TAFA1: variants seen among roughly 807,000 people sequenced by gnomAD.
TAFA1 encodes chemokine-like protein TAFA-1.
TAFA1 carries 4 observed loss-of-function variants against 18.5 expected under a neutral mutation model. The ratio of observed to expected loss-of-function variants is 0.22; its 90% CI spans 0.11 to 0.49. The LOEUF (loss-of-function observed/expected upper bound fraction) is 0.49, where lower values mean the gene tolerates loss of function less well. Among genes scored for constraint, TAFA1 ranks in the 20% least tolerant of loss-of-function variants. The pLI is 0.98. For synonymous variants in TAFA1, 56 were observed against 55.2 expected (o/e 1.01, Z -0.06); for missense variants, 147 against 169.0 (o/e 0.87, Z 0.72).
chr3:68,463,910 G>T (rs1158006037), intron 3 of TAFA1, among the ~76,000 whole-genome samples: 1 of 152,076 alleles, frequency 6.6e-6, no homozygotes, highest in Non-Finnish European at 1.5e-5. Context: ...TTTTAAGTCA[G>T]ATTTAGACAA....
At chr3:68,014,554 A>G (rs1290472840) in intron 2 of TAFA1, among the ~76,000 whole-genome samples, 1 of 152,140 alleles carries the variant, frequency 6.6e-6, no homozygotes, top group Non-Finnish European at 1.5e-5. Flanking sequence ...GAATTCAACA[A>G]TTTTCATGTT....
intron 3 of TAFA1, among the ~76,000 whole-genome samples, chr3:68,519,781 A>G (rs909226089): frequency 2.0e-5 from 3 of 152,122 alleles, no homozygotes; most frequent in African/African-American, 4.8e-5. Context: ...CACTAATTCC[A>G]TCCATGAGGG....
intron 2 of TAFA1, among the ~76,000 whole-genome samples, chr3:68,186,693 A>G (rs1319236939): frequency 6.6e-6 from 1 of 152,024 alleles, no homozygotes. Context: ...CCAGGGACCC[A>G]ACCTGCCTGG....
intron 2 of TAFA1, among the ~76,000 whole-genome samples, chr3:68,075,889 G>T (rs184988344): frequency 6.6e-6 from 1 of 152,038 alleles, no homozygotes; most frequent in Admixed American, 6.6e-5. Flanking sequence ...CAGAGATGGG[G>T]TTTCACCATG....
chr3:68,370,343 T>TATATATACACACACACACACAC (rs2069662838), intron 2 of TAFA1, among the ~76,000 whole-genome samples: 7 of 58,842 alleles, frequency 1.2e-4, no homozygotes, highest in African/African-American at 4.2e-4. Context: ...TATATATATA[T>TATATATACACACACACACACAC]ATATATATAT....
intron 2 of TAFA1, among the ~76,000 whole-genome samples, chr3:68,273,469 T>C (rs1211083231): frequency 6.6e-6 from 1 of 152,192 alleles, no homozygotes; most frequent in Non-Finnish European, 1.5e-5. Context: ...CCCATATGCT[T>C]TAGGTAAATT....
chr3:68,539,696 GTGGGTGGGTGTGTGCATGTGTGT>G (rs2073340774), intron 4 of TAFA1, among the ~76,000 whole-genome samples: 1 of 78,514 alleles, frequency 1.3e-5, no homozygotes, highest in African/African-American at 5.0e-5. Context: ...CATGGGGTGG[GTGGGTGGGTGTGTGCATGTGTGT>G]GGTGGGGGGA....
intron 2 of TAFA1, among the ~76,000 whole-genome samples, chr3:68,366,761 G>A (rs749783740): frequency 3.3e-5 from 5 of 152,128 alleles, no homozygotes; most frequent in Non-Finnish European, 5.9e-5. Context: ...GGTTTTGTGG[G>A]TTTTAAATGA....
chr3:68,376,768 C>G (rs573882758), intron 2 of TAFA1, among the ~76,000 whole-genome samples: 3 of 152,088 alleles, frequency 2.0e-5, no homozygotes, highest in African/African-American at 7.2e-5. Context: ...TGGGTATATA[C>G]CCAGTGATAT....
chr3:68,323,120 A>G (rs145843763), intron 2 of TAFA1, among the ~76,000 whole-genome samples: 1 of 152,300 alleles, frequency 6.6e-6, no homozygotes, highest in Non-Finnish European at 1.5e-5. Flanking sequence ...ATAAAATGCT[A>G]ATGTGATTTT....
intron 2 of TAFA1, among the ~76,000 whole-genome samples, chr3:68,154,962 A>G (rs546678513): frequency 6.6e-6 from 1 of 152,364 alleles, no homozygotes; most frequent in South Asian, 2.1e-4. Flanking sequence ...GCCATAAATA[A>G]AAGTTGAGAT....
chr3:68,414,285 CA>C, intron 2 of TAFA1, among the ~76,000 whole-genome samples: 1 of 152,164 alleles, frequency 6.6e-6, no homozygotes, highest in Middle Eastern at 3.4e-3. Flanking sequence ...CCAGCCTAGG[CA>C]ACAGGAGCGA....
At chr3:68,146,385 A>G (rs572399051) in intron 2 of TAFA1, among the ~76,000 whole-genome samples, 1 of 152,062 alleles carries the variant, frequency 6.6e-6, no homozygotes, top group East Asian at 1.9e-4. Flanking sequence ...GGTGCCTTTG[A>G]CTCTTGATAA....
intron 2 of TAFA1, among the ~76,000 whole-genome samples, chr3:68,050,559 C>T (rs1268952741): frequency 2.0e-5 from 3 of 152,106 alleles, no homozygotes; most frequent in African/African-American, 7.2e-5. Context: ...AAGTACCTGA[C>T]ATATAGTAAG....
At chr3:68,286,103 C>T (rs560921421) in intron 2 of TAFA1, among the ~76,000 whole-genome samples, 13 of 151,848 alleles carry the variant, frequency 8.6e-5, no homozygotes, top group African/African-American at 1.2e-4. Flanking sequence ...CCCAGCTACT[C>T]GGGAGGCTGA....
chr3:68,420,749 C>T (rs1402845912), intron 3 of TAFA1, among the ~76,000 whole-genome samples: 1 of 151,988 alleles, frequency 6.6e-6, no homozygotes, highest in African/African-American at 2.4e-5. Flanking sequence ...CCCCGAATCC[C>T]CACAACGAAG....
chr3:68,041,999 C>A (rs887390847), intron 2 of TAFA1, among the ~76,000 whole-genome samples: 6 of 152,120 alleles, frequency 3.9e-5, no homozygotes, highest in Non-Finnish European at 5.9e-5. Context: ...TATTGTTCAA[C>A]AATTTTGCAT....
chr3:68,386,834 G>T (rs1458624484), intron 2 of TAFA1, among the ~76,000 whole-genome samples: 1 of 151,968 alleles, frequency 6.6e-6, no homozygotes, highest in Non-Finnish European at 1.5e-5. Flanking sequence ...ATTTCCCTTT[G>T]ATTCATTTTT....
intron 2 of TAFA1, among the ~76,000 whole-genome samples, chr3:68,236,718 A>G (rs2066931623): frequency 6.6e-6 from 1 of 152,216 alleles, no homozygotes; most frequent in Non-Finnish European, 1.5e-5. Context: ...TATTCTTGAA[A>G]CTAAATATCC....
Sources: allele counts gnomAD v4.1 joint callset (sites outside exome capture counted in the v4.1 genomes callset), GRCh38; gene constraint gnomAD v4.1.1; transcripts MANE v1.5; gene names NCBI Gene and HGNC (gene_info 2026-07-23, HGNC 2026-07-21).